SLCO1B1: variants seen among roughly 807,000 people sequenced by gnomAD.
SLCO1B1 encodes the protein OATP-2.
In SLCO1B1, 81 loss-of-function variants were observed where a neutral mutation model predicts 70.1. The observed-to-expected ratio is 1.16, with a 90% CI of 0.97 to 1.39. SLCO1B1 has a LOEUF of 1.39. Ranked by LOEUF, SLCO1B1 falls within the 40% of genes most tolerant of loss-of-function variation. SLCO1B1 has a pLI of 0.00. For synonymous variants in SLCO1B1, 283 were observed against 271.5 expected (o/e 1.04, Z -0.42); for missense variants, 895 against 799.6 (o/e 1.12, Z -1.44).
At chr12:21,182,399 G>A (rs1341824349) in intron 7 of SLCO1B1, among the ~76,000 whole-genome samples, 1 of 152,118 alleles carries the variant, frequency 6.6e-6, no homozygotes, top group Non-Finnish European at 1.5e-5. Context: ...GCAGCAGAAC[G>A]CAGCCATAGG....
At chr12:21,138,306 G>C (rs909589213) in intron 1 of SLCO1B1, among the ~76,000 whole-genome samples, 1 of 152,114 alleles carries the variant, frequency 6.6e-6, no homozygotes, top group Non-Finnish European at 1.5e-5. Flanking sequence ...ATCAAATTTG[G>C]AAGAACTGAC....
chr12:21,226,721 T>G (rs912359510), intron 14 of SLCO1B1, among the ~76,000 whole-genome samples: 1 of 151,838 alleles, frequency 6.6e-6, no homozygotes, highest in East Asian at 1.9e-4. Flanking sequence ...AAATATGAAT[T>G]TAATAATAAT....
intron 2 of SLCO1B1, among the ~76,000 whole-genome samples, chr12:21,156,864 G>A (rs1217095811): frequency 2.6e-5 from 4 of 152,000 alleles, no homozygotes; most frequent in Non-Finnish European, 5.9e-5. Flanking sequence ...CCTGCTCTTC[G>A]CCTAGTGCTA....
chr12:21,152,885 C>G (rs188853061), intron 2 of SLCO1B1, among the ~76,000 whole-genome samples: 133 of 152,268 alleles, frequency 8.7e-4, no homozygotes, highest in Non-Finnish European at 1.5e-3. Context: ...CTATAAGAAC[C>G]TGGTCAAGCT....
chr12:21,151,683 A>G (rs1270754511), intron 2 of SLCO1B1, among the ~76,000 whole-genome samples: 1 of 152,152 alleles, frequency 6.6e-6, no homozygotes, highest in Non-Finnish European at 1.5e-5. Flanking sequence ...AACACCTTGC[A>G]AGGCTGATCT....
chr12:21,134,144 TG>T (rs1940180889), intron 1 of SLCO1B1, among the ~76,000 whole-genome samples: 1 of 152,240 alleles, frequency 6.6e-6, no homozygotes, highest in African/African-American at 2.4e-5. Flanking sequence ...TTTATTGATT[TG>T]CGTATGTTGA....
chr12:21,150,432 C>A (rs967417183), intron 2 of SLCO1B1, among the ~76,000 whole-genome samples: 2 of 152,128 alleles, frequency 1.3e-5, no homozygotes, highest in African/African-American at 2.4e-5. Flanking sequence ...ACAGACACCT[C>A]ATGCAGGAGA....
At chr12:21,231,043 A>C (rs1033619892) in intron 14 of SLCO1B1, among the ~76,000 whole-genome samples, 2 of 138,410 alleles carry the variant, frequency 1.4e-5, no homozygotes, top group Non-Finnish European at 3.0e-5. Flanking sequence ...TCACTGTTCA[A>C]TTCCCACCTA....
At chr12:21,184,828 A>G (rs1940945594) in intron 7 of SLCO1B1, among the ~76,000 whole-genome samples, 2 of 152,172 alleles carry the variant, frequency 1.3e-5, no homozygotes, top group South Asian at 4.1e-4. Flanking sequence ...AAGCTTCATA[A>G]GTAGACAAAA....
Position 21,196,956 on chromosome 12 carries a change from GA to G in SLCO1B1, c.739del (p.Ile247Ter). Reference protein sequence around the residue: ...IGYVDLSTIRITPTDSRWVGA... With the variant: ...IGYVDLSTIRXTPTDSRWVGA... ...AATTATTTATTCTAGGCACTATCAG[GA>G]TAACTCCTACTGATTCTCGATGGGT... On this transcript the variant is annotated frameshift_variant, in exon 8 of 15. Transcript: ENST00000256958. LOFTEE classifies it high-confidence loss of function. 1.9e-6 allele frequency: 3 copies of G among 1,613,284 alleles called. No individual in the cohort carries two copies. Among genetic ancestry groups the G allele is most frequent in the Non-Finnish European group, 2.5e-6 (3 of 1,179,476 alleles).
chr12:21,179,804 T>C (rs1940870875), intron 7 of SLCO1B1, among the ~76,000 whole-genome samples: 1 of 152,146 alleles, frequency 6.6e-6, no homozygotes, highest in African/African-American at 2.4e-5. Flanking sequence ...TCTTCTCTTT[T>C]ATTCAGCAAA....
chr12:21,150,010 G>A (rs922462464), intron 2 of SLCO1B1, among the ~76,000 whole-genome samples: 1 of 152,122 alleles, frequency 6.6e-6, no homozygotes, highest in Non-Finnish European at 1.5e-5. Flanking sequence ...CTCGAGCTTG[G>A]TAGGGGGAGG....
chr12:21,152,319 T>C (rs567684505), intron 2 of SLCO1B1, among the ~76,000 whole-genome samples: 1 of 152,046 alleles, frequency 6.6e-6, no homozygotes, highest in African/African-American at 2.4e-5. Flanking sequence ...TTAATCACAG[T>C]TGTTTTAAAT....
chr12:21,197,036 C>T lies in SLCO1B1; in HGVS notation c.818C>T (p.Ser273Phe). The change falls in exon 8 of 15, where the codon TCC (serine) becomes TTC (phenylalanine). Residue 273 changes from serine to phenylalanine, a missense_variant. Coordinates refer to ENST00000256958, the MANE Select transcript of SLCO1B1 (RefSeq NM_006446.5). The stretch of plus-strand genomic sequence containing the variant: ...TCTGGACTATTCTCCATTATTTCTT[C>T]CATACCATTCTTTTTCTTGCCCCAA... ...LVSGLFSIIS[S>F]IPFFFLPQTP... is the part of the protein sequence containing the mutation. 1.2e-6 allele frequency: 2 copies of T among 1,613,606 alleles called. No homozygotes were observed. Among genetic ancestry groups the T allele is most frequent in the Non-Finnish European group, 1.7e-6 (2 of 1,179,722 alleles).
At chr12:21,169,129 T>C (rs1288216341) in intron 2 of SLCO1B1, among the ~76,000 whole-genome samples, 2 of 152,162 alleles carry the variant, frequency 1.3e-5, no homozygotes, top group Non-Finnish European at 2.9e-5. Flanking sequence ...TCCGCTTCCT[T>C]GTACTAAATG....
chr12:21,214,050 CT>C (rs1376089118), intron 11 of SLCO1B1, among the ~76,000 whole-genome samples: 1 of 152,088 alleles, frequency 6.6e-6, no homozygotes, highest in Non-Finnish European at 1.5e-5. Context: ...CGTCTGAAGC[CT>C]TCTCTCAGCT....
intron 7 of SLCO1B1, among the ~76,000 whole-genome samples, chr12:21,192,399 T>A (rs1173419089): frequency 6.6e-6 from 1 of 151,926 alleles, no homozygotes; most frequent in African/African-American, 2.4e-5. Context: ...AGTAATCTCT[T>A]ATGATTGTTT....
chr12:21,176,623 C>G (rs1006016084), intron 4 of SLCO1B1, among the ~76,000 whole-genome samples, 153 bp from the exon 5 acceptor site: 1 of 152,036 alleles, frequency 6.6e-6, no homozygotes, highest in African/African-American at 2.4e-5. Context: ...CATCACATCT[C>G]TTAAAACACA....
In SLCO1B1 at chr12:21,239,375, C is replaced by T; in HGVS notation, c.*186C>T. 1.8e-6 allele frequency: 1 copy of T among 562,616 alleles called. No homozygotes were observed. The highest frequency in any genetic ancestry group is 3.2e-6 in the Non-Finnish European group (1 of 311,254). The allele number at this position is 562,616 out of a possible 1,614,324, so 34.9% of individuals were successfully genotyped here. ...TGTAGGTAGAAAAAATGAGAGTACT[C>T]ATTGTTACATTATAGCTACATATTT... is the stretch of plus-strand genomic sequence containing the variant. On this transcript the variant is annotated 3_prime_UTR_variant, in exon 15 of 15. Coordinates refer to ENST00000256958, the MANE Select transcript of SLCO1B1 (RefSeq NM_006446.5).
Sources: allele counts gnomAD v4.1 joint callset (sites outside exome capture counted in the v4.1 genomes callset), GRCh38; gene constraint gnomAD v4.1.1; transcripts MANE v1.5; gene names NCBI Gene and HGNC (gene_info 2026-07-23, HGNC 2026-07-21).